The following SIPA1L3 variants were observed in gnomAD, a reference collection of about 807,000 sequenced individuals.
SIPA1L3 encodes the protein signal-induced proliferation-associated 1-like protein 3.
A neutral mutation model predicts 150.1 loss-of-function variants in SIPA1L3; 59 were observed. That is an observed-to-expected ratio of 0.39 (90% CI 0.32 to 0.49). The LOEUF (loss-of-function observed/expected upper bound fraction) is 0.49. SIPA1L3 is among the 20% of genes least tolerant of loss of function. The pLI is 0.86. For synonymous variants in SIPA1L3, 1,070 were observed against 1,077.6 expected (o/e 0.99, Z 0.14); for missense variants, 2,211 against 2,489.5 (o/e 0.89, Z 2.38).
chr19:37,909,746 T>C (rs1027935069), intron 1 of SIPA1L3, among the ~76,000 whole-genome samples: 1 of 152,094 alleles, frequency 6.6e-6, no homozygotes, highest in African/African-American at 2.4e-5. Context: ...ATATCCCGTG[T>C]GGGAGGGTGG....
chr19:37,976,547 T>C (rs1967082264), intron 1 of SIPA1L3, among the ~76,000 whole-genome samples: 1 of 151,984 alleles, frequency 6.6e-6, no homozygotes, highest in African/African-American at 2.4e-5. Context: ...CTCTGGGGTG[T>C]CTCTCAGTGG....
At chr19:37,960,701 C>T (rs1411183628) in intron 1 of SIPA1L3, among the ~76,000 whole-genome samples, 1 of 151,728 alleles carries the variant, frequency 6.6e-6, no homozygotes, top group Non-Finnish European at 1.5e-5. Flanking sequence ...GCCACTGCGC[C>T]CAGCCTCACA....
chr19:38,041,185 C>A (rs1173096702), intron 2 of SIPA1L3, among the ~76,000 whole-genome samples: 1 of 148,704 alleles, frequency 6.7e-6, no homozygotes, highest in Non-Finnish European at 1.5e-5. Context: ...TGTCTCATTG[C>A]AACCTCCATC....
chr19:37,917,794 C>T (rs997809131), intron 1 of SIPA1L3, among the ~76,000 whole-genome samples: 22 of 152,140 alleles, frequency 1.4e-4, no homozygotes, highest in African/African-American at 5.3e-4. Context: ...TGCTTAAGCC[C>T]AGGAGTTTGA....
intron 1 of SIPA1L3, among the ~76,000 whole-genome samples, chr19:38,028,854 G>A (rs1300395951): frequency 6.6e-6 from 1 of 151,896 alleles, no homozygotes; most frequent in African/African-American, 2.4e-5. Flanking sequence ...CACCACGCCC[G>A]GCTAATTTTT....
intron 1 of SIPA1L3, among the ~76,000 whole-genome samples, chr19:37,958,214 G>A (rs564792612): frequency 5.3e-5 from 8 of 152,096 alleles, no homozygotes; most frequent in African/African-American, 1.9e-4. Flanking sequence ...TAGTTGGATT[G>A]CTTCAGCCCA....
At chr19:38,005,615 C>T (rs1300094774) in intron 1 of SIPA1L3, among the ~76,000 whole-genome samples, 1 of 152,216 alleles carries the variant, frequency 6.6e-6, no homozygotes, top group African/African-American at 2.4e-5. Flanking sequence ...GGGCTTCCCC[C>T]TCCCCTTAAT....
intron 14 of SIPA1L3, among the ~76,000 whole-genome samples, chr19:38,163,317 C>T (rs1179366839): frequency 1.3e-5 from 2 of 151,994 alleles, no homozygotes; most frequent in African/African-American, 4.8e-5. Context: ...TAGTAAAACC[C>T]CGTCTCTACT....
chr19:38,072,748 G>A (rs1600006560), intron 2 of SIPA1L3, among the ~76,000 whole-genome samples: 3 of 152,388 alleles, frequency 2.0e-5, no homozygotes, highest in Non-Finnish European at 1.5e-5. Flanking sequence ...AGTCGGGACT[G>A]TTGGAAAAAG....
chr19:38,018,248 C>T (rs867061478), intron 1 of SIPA1L3, among the ~76,000 whole-genome samples: 4 of 145,240 alleles, frequency 2.8e-5, no homozygotes, highest in Non-Finnish European at 4.5e-5. Flanking sequence ...ATGGTAACCT[C>T]CGACTCCCAG....
intron 2 of SIPA1L3, among the ~76,000 whole-genome samples, chr19:38,074,542 C>T (rs1331721848): frequency 6.6e-6 from 1 of 152,262 alleles, no homozygotes; most frequent in African/African-American, 2.4e-5. Context: ...CCAGCTTGAC[C>T]TGGGATCTGG....
At chr19:37,954,209 C>T (rs2046789032) in intron 1 of SIPA1L3, among the ~76,000 whole-genome samples, 1 of 151,944 alleles carries the variant, frequency 6.6e-6, no homozygotes, top group South Asian at 2.1e-4. Flanking sequence ...AAAATGTTCC[C>T]TTTGAACAAA....
At chr19:37,966,348 A>C (rs1941728764) in intron 1 of SIPA1L3, among the ~76,000 whole-genome samples, 1 of 152,180 alleles carries the variant, frequency 6.6e-6, no homozygotes, top group Non-Finnish European at 1.5e-5. Flanking sequence ...CTTTGCAGTG[A>C]CTTGCTCATG....
chr19:38,038,964 A>G (rs1968850647), intron 2 of SIPA1L3, among the ~76,000 whole-genome samples: 1 of 151,966 alleles, frequency 6.6e-6, no homozygotes, highest in Non-Finnish European at 1.5e-5. Context: ...GCTCACCACA[A>G]CCTCCGCCTC....
At chr19:37,980,666 A>G (rs753798048) in intron 1 of SIPA1L3, among the ~76,000 whole-genome samples, 1 of 137,004 alleles carries the variant, frequency 7.3e-6, no homozygotes, top group East Asian at 3.2e-4. Context: ...CTGATGGTCA[A>G]TGGAGGAACC....
At chr19:38,067,790 T>C (rs142545319) in intron 2 of SIPA1L3, among the ~76,000 whole-genome samples, 2 of 151,104 alleles carry the variant, frequency 1.3e-5, no homozygotes, top group African/African-American at 4.8e-5. Flanking sequence ...AAAGAAACAC[T>C]AGTCCTCTGG....
intron 16 of SIPA1L3, chr19:38,184,952 C>G (rs1188011776): frequency 6.5e-6 from 1 of 152,716 alleles, no homozygotes; most frequent in Non-Finnish European, 1.5e-5. Flanking sequence ...GCCCTCGTTC[C>G]CATCCACTCT....
At chr19:37,989,453 G>A (rs1312124863) in intron 1 of SIPA1L3, among the ~76,000 whole-genome samples, 3 of 152,150 alleles carry the variant, frequency 2.0e-5, no homozygotes, top group African/African-American at 4.8e-5. Flanking sequence ...TGAACTCCTG[G>A]CCTCAAGCAG....
At chr19:38,000,567 T>C (rs1967759290) in intron 1 of SIPA1L3, among the ~76,000 whole-genome samples, 1 of 151,136 alleles carries the variant, frequency 6.6e-6, no homozygotes, top group African/African-American at 2.4e-5. Flanking sequence ...GGAAGCACTT[T>C]TCTCCCCAGC....
Sources: gnomAD v4.1 joint callset for allele counts (sites outside exome capture counted in the v4.1 genomes callset) on GRCh38, gnomAD v4.1.1 for gene constraint, MANE v1.5 for transcripts, NCBI Gene and HGNC (gene_info 2026-07-23, HGNC 2026-07-21) for gene names.